PLCL1: variants seen among roughly 807,000 people sequenced by gnomAD.
The protein encoded by PLCL1 is phospholipase C like 1 (inactive).
PLCL1 carries 41 observed loss-of-function variants against 84.4 expected under a neutral mutation model. The ratio of observed to expected loss-of-function variants is 0.49; its 90% confidence interval spans 0.38 to 0.63. PLCL1 has a LOEUF of 0.63. PLCL1 is among the 30% of genes least tolerant of loss of function. The pLI is 0.00. For missense variants in PLCL1, 1,206 were observed against 1,367.8 expected (o/e 0.88, Z 1.87); for synonymous variants, 490 against 488.3 (o/e 1.00, Z -0.05).
intron 1 of PLCL1, among the ~76,000 whole-genome samples, chr2:198,083,025 G>A (rs1390470296): frequency 6.6e-6 from 1 of 152,144 alleles, no homozygotes; most frequent in African/African-American, 2.4e-5. Context: ...TTCTGGCAAA[G>A]GGCTTTGAAA....
intron 5 of PLCL1, among the ~76,000 whole-genome samples, chr2:198,105,809 A>G (rs1387806251): frequency 2.0e-5 from 3 of 151,922 alleles, no homozygotes; most frequent in Non-Finnish European, 4.4e-5. Context: ...TCCTATAAAT[A>G]CATTTCTTTT....
At chr2:198,122,572 C>T (rs939272156) in intron 5 of PLCL1, among the ~76,000 whole-genome samples, 4 of 152,008 alleles carry the variant, frequency 2.6e-5, no homozygotes, top group Admixed American at 6.6e-5. Flanking sequence ...CTCAGTTACA[C>T]TTTTGGAATA....
chr2:198,011,561 C>T (rs906203445), intron 1 of PLCL1, among the ~76,000 whole-genome samples: 7 of 152,062 alleles, frequency 4.6e-5, no homozygotes, highest in African/African-American at 1.4e-4. Flanking sequence ...GTTCCATGTG[C>T]GCTTGAGAAT....
chr2:197,994,574 C>T (rs1024489918), intron 1 of PLCL1, among the ~76,000 whole-genome samples: 4 of 152,164 alleles, frequency 2.6e-5, no homozygotes, highest in African/African-American at 9.7e-5. Context: ...TAGGATAACT[C>T]ATGAATTCCA....
chr2:197,993,221 T>C (rs570926296), intron 1 of PLCL1, among the ~76,000 whole-genome samples: 1 of 152,318 alleles, frequency 6.6e-6, no homozygotes, highest in Non-Finnish European at 1.5e-5. Context: ...TGAAGTTGTA[T>C]CTCATTGCGG....
chr2:197,958,208 A>G (rs939364148), intron 1 of PLCL1, among the ~76,000 whole-genome samples: 2 of 151,956 alleles, frequency 1.3e-5, no homozygotes, highest in Admixed American at 1.3e-4. Flanking sequence ...TAAATATTCT[A>G]TGAATCCATA....
At chr2:198,080,301 A>G (rs1437221132) in intron 1 of PLCL1, among the ~76,000 whole-genome samples, 1 of 152,222 alleles carries the variant, frequency 6.6e-6, no homozygotes, top group Non-Finnish European at 1.5e-5. Context: ...TCATTCAATC[A>G]TCATCATCAT....
chr2:197,922,856 C>T (rs1688737348), intron 1 of PLCL1, among the ~76,000 whole-genome samples: 1 of 133,258 alleles, frequency 7.5e-6, no homozygotes, highest in Non-Finnish European at 1.7e-5. Context: ...GGCGGCCGGG[C>T]AGAGGCGCCC....
chr2:198,121,648 C>T (rs567281485), intron 5 of PLCL1, among the ~76,000 whole-genome samples: 2 of 150,910 alleles, frequency 1.3e-5, no homozygotes, highest in African/African-American at 4.9e-5. Flanking sequence ...GTTCTCTATT[C>T]TGTTCCATTG....
At chr2:198,027,637 A>T (rs563684766) in intron 1 of PLCL1, among the ~76,000 whole-genome samples, 3 of 152,272 alleles carry the variant, frequency 2.0e-5, no homozygotes, top group African/African-American at 7.2e-5. Flanking sequence ...TCACTTGAAA[A>T]AATCCTAGAA....
intron 5 of PLCL1, among the ~76,000 whole-genome samples, chr2:198,129,226 A>C (rs553147945): frequency 3.9e-4 from 60 of 152,232 alleles, no homozygotes; most frequent in Non-Finnish European, 7.1e-4. Context: ...GATCCTGAAG[A>C]GTTTAGCTGA....
chr2:198,025,879 A>G (rs1320566894), intron 1 of PLCL1, among the ~76,000 whole-genome samples: 1 of 152,136 alleles, frequency 6.6e-6, no homozygotes, highest in Non-Finnish European at 1.5e-5. Flanking sequence ...TGAATTTTTA[A>G]AATAGTGATT....
intron 1 of PLCL1, among the ~76,000 whole-genome samples, chr2:197,954,723 A>C (rs918056264): frequency 6.6e-6 from 1 of 152,072 alleles, no homozygotes; most frequent in Admixed American, 6.6e-5. Context: ...CATTAATGAC[A>C]GGGACTGTTT....
chr2:198,084,853 G>A lies in PLCL1; in HGVS notation c.1336G>A (p.Val446Ile), dbSNP rs913684920. The change falls in exon 2 of 6, where the codon GTA becomes ATA. Residue 446 changes from valine to isoleucine, a missense_variant. Transcript: ENST00000428675. ...GGGCTGTCGAAGCGTTGAACTCGATGTAAGTGATGGTTCAGATAATGAACC... is the reference window on the plus strand; with the variant it reads ...GGGCTGTCGAAGCGTTGAACTCGATATAAGTGATGGTTCAGATAATGAACC... ...KMGCRSVELDVSDGSDNEPIL... is the reference protein window; with the variant it reads ...KMGCRSVELDISDGSDNEPIL... 12 of 1,613,978 alleles carry A rather than the reference G, an allele frequency of 7.4e-6. No individual in the cohort carries two copies. The highest frequency in any genetic ancestry group is 1.7e-5 in the Admixed American group (1 of 59,990).
Position 198,085,381 on chromosome 2 carries a change from C to T in PLCL1, c.1864C>T (p.Arg622Cys). 1.9e-6 allele frequency: 3 copies of T among 1,611,400 alleles called. No individual in the cohort carries two copies. Among genetic ancestry groups the T allele is most frequent in the Non-Finnish European group, 2.5e-6 (3 of 1,177,944 alleles). Residue 622 changes from arginine (R) to cysteine (C), a missense_variant, in exon 2 of 6, where the codon CGC (arginine) becomes TGC (cysteine). Physicochemically the swap from Arg to Cys is radical, Grantham distance 180. Coordinates refer to ENST00000428675, the MANE Select transcript of PLCL1 (RefSeq NM_006226.4). The surrounding 1 kb of genome is among the most constrained non-coding windows in gnomAD (Gnocchi z 5.3). ...TTCATTTAGTGAAACAGAGGCCAGC[C>T]GCATTGCAAATGAGTACCCAGAGGA... Reference protein sequence around the residue: ...MCSFSETEASRIANEYPEDFV... With the variant: ...MCSFSETEASCIANEYPEDFV...
At chr2:198,024,863 C>A (rs73058864) in intron 1 of PLCL1, among the ~76,000 whole-genome samples, 1 of 151,664 alleles carries the variant, frequency 6.6e-6, no homozygotes, top group Non-Finnish European at 1.5e-5. Flanking sequence ...CCCTAATTAA[C>A]GTAATTCCAT....
At chr2:197,816,759 G>T (rs1273774104) in intron 1 of PLCL1, among the ~76,000 whole-genome samples, 5 of 152,146 alleles carry the variant, frequency 3.3e-5, no homozygotes, top group Non-Finnish European at 7.4e-5. Context: ...GAGAGATGAT[G>T]CTATATGGTC....
chr2:198,074,335 CTT>C (rs1332869440), intron 1 of PLCL1, among the ~76,000 whole-genome samples: 2 of 152,136 alleles, frequency 1.3e-5, no homozygotes, highest in Non-Finnish European at 2.9e-5. Flanking sequence ...TGTTCTAAAA[CTT>C]AGCTCCAATA....
At chr2:198,139,955 A>G (rs186045604) in intron 5 of PLCL1, among the ~76,000 whole-genome samples, 18 of 151,406 alleles carry the variant, frequency 1.2e-4, no homozygotes, top group Admixed American at 9.9e-4. Flanking sequence ...TTTCCCCGAG[A>G]TGGAGTCATG....
Sources: gnomAD v4.1 joint callset for allele counts (sites outside exome capture counted in the v4.1 genomes callset) on GRCh38, gnomAD v4.1.1 for gene constraint, Gnocchi (gnomAD v3.1) non-coding constraint, MANE v1.5 for transcripts, NCBI Gene and HGNC (gene_info 2026-07-23, HGNC 2026-07-21) for gene names.